Variants in HERC4 observed in about 807,000 individuals in gnomAD.
HERC4 encodes the protein HECT and RLD domain containing E3 ubiquitin protein ligase 4.
Under a neutral mutation model 124.3 loss-of-function variants are expected in HERC4, and 28 were observed. The ratio of observed to expected loss-of-function variants is 0.23; its 90% CI spans 0.17 to 0.31. HERC4 has a LOEUF of 0.31. Ranked by LOEUF, HERC4 falls within the 10% of genes least tolerant of loss-of-function variation. HERC4 has a pLI of 1.00. For missense variants in HERC4, 713 were observed against 1,229.3 expected (o/e 0.58, Z 6.28); for synonymous variants, 407 against 421.5 (o/e 0.97, Z 0.42).
At chr10:68,030,223 T>G (rs1291544129) in intron 7 of HERC4, among the ~76,000 whole-genome samples, 1 of 151,626 alleles carries the variant, frequency 6.6e-6, no homozygotes, top group East Asian at 2.0e-4. Context: ...GCAGATCACT[T>G]GAGGTCAGGA....
intron 9 of HERC4, among the ~76,000 whole-genome samples, chr10:68,006,793 T>C (rs1217285207): frequency 1.3e-5 from 2 of 152,226 alleles, no homozygotes; most frequent in African/African-American, 4.8e-5. Context: ...ACTTTAAATA[T>C]GTCATGCCAT....
chr10:68,059,684 A>AATAATATTATATATTATATTATATATC lies in HERC4; in HGVS notation c.226+13198_226+13199insGATATATAATATAATATATAATATTAT. Among the ~76,000 whole-genome samples the AATAATATTATATATTATATTATATATC allele has an allele frequency of 7.0e-3, 370 of 52,552 alleles. 127 individuals are homozygous for AATAATATTATATATTATATTATATATC. In the African/African-American group the frequency reaches 0.074, roughly 10 times the overall value. The allele number at this position is 52,552 out of a possible 152,430, so 34.5% of individuals were successfully genotyped here. A position where few individuals can be genotyped will look rare whatever the true frequency, so the allele number is the denominator to read the frequency against. On this transcript the variant is annotated intron_variant, in intron 3 of 24. Coordinates refer to ENST00000373700, the MANE Select transcript of HERC4 (RefSeq NM_015601.4). ...TATTATATATTATATTATATATCAT[A>AATAATATTATATATTATATTATATATC]ATATTATATATTATAATATTATATA... is the stretch of plus-strand genomic sequence containing the variant.
chr10:67,991,378 T>C, intron 11 of HERC4, among the ~76,000 whole-genome samples, 179 bp from the exon 12 acceptor site: 1 of 152,156 alleles, frequency 6.6e-6, no homozygotes. Flanking sequence ...AAAATAATAC[T>C]TGATGAAGGT....
intron 21 of HERC4, among the ~76,000 whole-genome samples, chr10:67,936,436 T>C (rs1489079877): frequency 6.6e-6 from 1 of 152,176 alleles, no homozygotes; most frequent in Non-Finnish European, 1.5e-5. Flanking sequence ...AATCCTACCA[T>C]GATTAATTAC....
At chr10:68,012,787 C>T (rs1029596838) in intron 9 of HERC4, among the ~76,000 whole-genome samples, 1 of 151,974 alleles carries the variant, frequency 6.6e-6, no homozygotes, top group Non-Finnish European at 1.5e-5. Flanking sequence ...TGTCAAAAAA[C>T]CTTCAATTTG....
At chr10:68,065,802 T>C (rs752700066) in intron 3 of HERC4, among the ~76,000 whole-genome samples, 2 of 152,110 alleles carry the variant, frequency 1.3e-5, no homozygotes, top group African/African-American at 2.4e-5. Flanking sequence ...CGAGGCTGCA[T>C]TGAGCCACGA....
chr10:67,962,433 T>A (rs1213666756), intron 16 of HERC4, among the ~76,000 whole-genome samples: 3 of 152,186 alleles, frequency 2.0e-5, no homozygotes, highest in Non-Finnish European at 2.9e-5. Context: ...AAGATAATGT[T>A]AGAATTTATA....
chr10:68,038,299 C>A, intron 4 of HERC4, 130 bp from the exon 5 acceptor site: 14 of 409,994 alleles, frequency 3.4e-5, no homozygotes, highest in South Asian at 8.5e-5. Context: ...CATACAAGCT[C>A]AATTTTAGCG....
intron 24 of HERC4, 111 bp from the exon 25 acceptor site, chr10:67,923,250 C>T (rs1269569521): frequency 1.1e-5 from 8 of 721,088 alleles, no homozygotes; most frequent in Admixed American, 2.6e-5. Flanking sequence ...TCTGCTCTAA[C>T]GTGTTATCTT....
At chr10:67,992,735 G>T in intron 9 of HERC4, 53 bp from the exon 10 acceptor site, 1 of 891,002 alleles carries the variant, frequency 1.1e-6, no homozygotes, top group Non-Finnish European at 1.8e-6. Flanking sequence ...ACATATTTCA[G>T]AGCATCAATA....
At chr10:68,035,882 C>T (rs141042437) in intron 5 of HERC4, among the ~76,000 whole-genome samples, 128 of 152,274 alleles carry the variant, frequency 8.4e-4, no homozygotes, top group African/African-American at 3.0e-3. Context: ...GTTCTAAATA[C>T]CCTGAAGTTT....
intron 15 of HERC4, among the ~76,000 whole-genome samples, chr10:67,975,268 T>C (rs1159032807): frequency 6.6e-6 from 1 of 152,204 alleles, no homozygotes; most frequent in African/African-American, 2.4e-5. Context: ...TTCATGTACA[T>C]TGTCTCATTT....
At chr10:68,035,833 C>A (rs1048294343) in intron 5 of HERC4, among the ~76,000 whole-genome samples, 8 of 152,192 alleles carry the variant, frequency 5.3e-5, no homozygotes, top group Non-Finnish European at 5.9e-5. Context: ...AGCCTTCCTT[C>A]CCTGATCTCC....
intron 15 of HERC4, among the ~76,000 whole-genome samples, chr10:67,980,700 TCAAAA>T (rs1195339662): frequency 2.0e-5 from 3 of 152,076 alleles, no homozygotes; most frequent in Admixed American, 6.5e-5. Flanking sequence ...CAACAACTTT[TCAAAA>T]CAGAGTATAA....
intron 3 of HERC4, among the ~76,000 whole-genome samples, chr10:68,071,065 T>C (rs2041551008): frequency 6.6e-6 from 1 of 152,214 alleles, no homozygotes; most frequent in African/African-American, 2.4e-5. Context: ...GCCTGTCACT[T>C]TTCTCTTCCA....
chr10:68,051,106 AAAAAAAAAAAC>A (rs1444386512), intron 3 of HERC4, among the ~76,000 whole-genome samples: 5 of 151,514 alleles, frequency 3.3e-5, no homozygotes, highest in Middle Eastern at 3.2e-3. Flanking sequence ...AAGACCAAAA[AAAAAAAAAAAC>A]AAAGAAAAAA....
At chr10:67,974,469 T>C (rs745970922) in intron 15 of HERC4, among the ~76,000 whole-genome samples, 92 of 152,182 alleles carry the variant, frequency 6.0e-4, no homozygotes, top group Admixed American at 3.1e-3. Flanking sequence ...CTAAGGAATA[T>C]CTGAAAGGGA....
At chr10:67,939,457 A>G in intron 21 of HERC4, 131 bp downstream of exon 21, 2 of 602,190 alleles carry the variant, frequency 3.3e-6, no homozygotes, top group Non-Finnish European at 5.8e-6. Context: ...CATGTAGTAA[A>G]TGCTCAATAA....
chr10:68,059,935 TATA>T (rs1323143001), intron 3 of HERC4, among the ~76,000 whole-genome samples: 1 of 126,552 alleles, frequency 7.9e-6, no homozygotes, highest in Non-Finnish European at 1.6e-5. Context: ...TATTATATAT[TATA>T]ATAATATTAT....
Sources: gnomAD v4.1 joint callset for allele counts (sites outside exome capture counted in the v4.1 genomes callset) on GRCh38, gnomAD v4.1.1 for gene constraint, MANE v1.5 for transcripts, NCBI Gene and HGNC (gene_info 2026-07-23, HGNC 2026-07-21) for gene names.